CALD1: variants seen among roughly 807,000 people sequenced by gnomAD.
CALD1 encodes caldesmon.
Under a neutral mutation model 99.9 loss-of-function variants are expected in CALD1, and 33 were observed. That is an observed-to-expected ratio of 0.33 (90% CI 0.25 to 0.44). The LOEUF (loss-of-function observed/expected upper bound fraction) is 0.44, where lower values mean the gene tolerates loss of function less well. CALD1 is among the 20% of genes least tolerant of loss of function. CALD1 has a pLI of 1.00. For synonymous variants in CALD1, 310 were observed against 325.0 expected, an observed-to-expected ratio of 0.95 and a Z score of 0.50; for missense variants, 861 against 962.1, an observed-to-expected ratio of 0.89 and a Z score of 1.39.
At chr7:134,896,679 T>C (rs944586294) in intron 3 of CALD1, among the ~76,000 whole-genome samples, 4 of 152,234 alleles carry the variant, frequency 2.6e-5, no homozygotes, top group African/African-American at 9.6e-5. Flanking sequence ...TGTCTGCGTT[T>C]TTCCCTCTCC....
intron 1 of CALD1, among the ~76,000 whole-genome samples, chr7:134,812,869 C>T (rs1359512840): frequency 6.6e-6 from 1 of 152,016 alleles, no homozygotes; most frequent in African/African-American, 2.4e-5. Context: ...CAAGACGAGA[C>T]CAAGCCAGTG....
chr7:134,782,488 A>T (rs1797144911), intron 1 of CALD1, among the ~76,000 whole-genome samples: 1 of 152,232 alleles, frequency 6.6e-6, no homozygotes. Flanking sequence ...GGTAGTTTAA[A>T]GAGAAACTTT....
chr7:134,806,131 G>T (rs1798127468), intron 1 of CALD1, among the ~76,000 whole-genome samples: 1 of 152,186 alleles, frequency 6.6e-6, no homozygotes, highest in African/African-American at 2.4e-5. Context: ...AAGTCTTAGG[G>T]CATTACCTGC....
intron 4 of CALD1, 129 bp from the exon 5 acceptor site, chr7:134,932,859 C>T (rs577959257): frequency 5.5e-5 from 32 of 585,494 alleles, no homozygotes; most frequent in East Asian, 8.4e-5. Context: ...AAAATGGTAA[C>T]GTACTGGGGA....
At chr7:134,733,591 G>T in the CALD1 span, among the ~76,000 whole-genome samples, 1 of 152,104 alleles carries the variant, frequency 6.6e-6, no homozygotes, top group Non-Finnish European at 1.5e-5. Flanking sequence ...GGCGGATCAT[G>T]AGGTCAGGAG....
chr7:134,844,573 C>T (rs773744274), intron 2 of CALD1, among the ~76,000 whole-genome samples: 1 of 152,198 alleles, frequency 6.6e-6, no homozygotes, highest in African/African-American at 2.4e-5. Context: ...GAGTTCAGCA[C>T]ACCACTCAGG....
intron 1 of CALD1, among the ~76,000 whole-genome samples, chr7:134,818,316 C>T (rs756622235): frequency 9.2e-5 from 14 of 152,254 alleles, no homozygotes; most frequent in Admixed American, 5.9e-4. Context: ...AAGACTATTT[C>T]GAAGTTTCAA....
At chr7:134,784,312 C>G (rs1797223798) in intron 1 of CALD1, among the ~76,000 whole-genome samples, 1 of 152,258 alleles carries the variant, frequency 6.6e-6, no homozygotes, top group South Asian at 2.1e-4. Context: ...TATAACATTC[C>G]CCCTCGCTTG....
chr7:134,785,845 G>A (rs1340370730), intron 1 of CALD1, among the ~76,000 whole-genome samples: 1 of 152,228 alleles, frequency 6.6e-6, no homozygotes, highest in Non-Finnish European at 1.5e-5. Context: ...GAACATGGGA[G>A]AAGGCATTTG....
At chr7:134,892,379 C>T (rs998559703) in intron 3 of CALD1, among the ~76,000 whole-genome samples, 2 of 152,160 alleles carry the variant, frequency 1.3e-5, no homozygotes, top group Admixed American at 1.3e-4. Context: ...TGCAAAGGGC[C>T]GTTTTCACAC....
At chr7:134,841,813 C>T (rs1181068335) in intron 1 of CALD1, among the ~76,000 whole-genome samples, 1 of 149,140 alleles carries the variant, frequency 6.7e-6, no homozygotes, top group Non-Finnish European at 1.5e-5. Flanking sequence ...CTGAATCCCA[C>T]ATGGACTGAG....
intron 3 of CALD1, among the ~76,000 whole-genome samples, chr7:134,922,684 C>A (rs1166448357): frequency 6.6e-6 from 1 of 152,200 alleles, no homozygotes; most frequent in East Asian, 1.9e-4. Flanking sequence ...TCTTCTGGCT[C>A]TCGTCTGGCA....
intron 1 of CALD1, among the ~76,000 whole-genome samples, chr7:134,767,176 A>ACT (rs925864818): frequency 7.0e-5 from 10 of 143,630 alleles, no homozygotes; most frequent in African/African-American, 1.3e-4. Flanking sequence ...GTGTACACAC[A>ACT]CTCTCTCTCT....
chr7:134,938,181 G>A (rs568864847), intron 6 of CALD1, among the ~76,000 whole-genome samples: 9 of 152,296 alleles, frequency 5.9e-5, no homozygotes, highest in African/African-American at 2.2e-4. Flanking sequence ...TTGAACCCAG[G>A]AAAGGATTTG....
In CALD1 at chr7:134,783,687, C is replaced by G. The variant is rs1415512990; in HGVS notation, c.-130+3938C>G. 6.6e-6 allele frequency among the ~76,000 whole-genome samples: 1 copy of G among 152,072 alleles called. No individual in the cohort carries two copies. Among genetic ancestry groups the G allele is most frequent in the Non-Finnish European group, 1.5e-5 (1 of 68,026 alleles). On this transcript the variant is annotated intron_variant, in intron 1 of 14. Coordinates refer to ENST00000361675, the MANE Select transcript of CALD1 (RefSeq NM_033138.4). The surrounding 1 kb of genome is among the most constrained non-coding windows in gnomAD (Gnocchi z 4.3). ...TAAAAACTGTGAACCCTTAAGGTCCCTTTGTAAACCCACGCTTCATGATTG... is the reference window on the plus strand; with the variant it reads ...TAAAAACTGTGAACCCTTAAGGTCCGTTTGTAAACCCACGCTTCATGATTG...
At chr7:134,772,259 A>T (rs1206722574) in intron 1 of CALD1, among the ~76,000 whole-genome samples, 1 of 151,854 alleles carries the variant, frequency 6.6e-6, no homozygotes, top group Non-Finnish European at 1.5e-5. Context: ...ACACCTGGTT[A>T]ATTTTTTAGA....
chr7:134,727,173 G>T, the CALD1 span, among the ~76,000 whole-genome samples: 1 of 152,168 alleles, frequency 6.6e-6, no homozygotes, highest in Non-Finnish European at 1.5e-5. Context: ...CCTGAAGAGG[G>T]TACAGAATCT....
chr7:134,933,191 C>G lies in CALD1; in HGVS notation c.422C>G (p.Thr141Arg), dbSNP rs768724883. ...CCAAGCAGAAGAATGCAAAATGACA[C>G]AGCAGAAAATGAAACTACCGAGAAG... ...SLPSRRMQND[T>R]AENETTEKEE... The change falls in exon 5 of 15, where the codon ACA becomes AGA. Residue 141 changes from threonine (T) to arginine (R), a missense_variant. This residue lies in a region of CALD1 where 234 missense variants were observed against 233.1 expected (regional missense o/e 1.00). Coordinates refer to ENST00000361675, the MANE Select transcript of CALD1 (RefSeq NM_033138.4). The G allele has an allele frequency of 5.0e-6, 8 of 1,612,034 alleles. No individual in the cohort carries two copies. The South Asian group carries it at 6.6e-5, about 13-fold the overall frequency.
intron 9 of CALD1, among the ~76,000 whole-genome samples, chr7:134,950,808 T>C (rs765571349): frequency 5.3e-5 from 8 of 152,086 alleles, no homozygotes; most frequent in Non-Finnish European, 1.0e-4. Context: ...ATTCAAAAAC[T>C]AGCCGGACGT....
Sources: gnomAD v4.1 joint callset for allele counts (sites outside exome capture counted in the v4.1 genomes callset) on GRCh38, gnomAD v4.1.1 for gene constraint, gnomAD v4.1.1 regional missense constraint, Gnocchi (gnomAD v3.1) non-coding constraint, MANE v1.5 for transcripts, NCBI Gene and HGNC (gene_info 2026-07-23, HGNC 2026-07-21) for gene names.